The following PCNP variants were observed in gnomAD, a reference collection of about 807,000 sequenced individuals.
The protein encoded by PCNP is PEST proteolytic signal-containing nuclear protein.
A neutral mutation model predicts 21.8 loss-of-function variants in PCNP; 6 were observed. That is an observed-to-expected ratio of 0.28 (90% CI 0.15 to 0.54). The LOEUF (loss-of-function observed/expected upper bound fraction) is 0.54. PCNP is among the 20% of genes least tolerant of loss of function. The probability of loss-of-function intolerance (pLI) is 0.95; values close to 1 mark genes in which losing one functional copy is unlikely to be tolerated. For missense variants in PCNP, 161 were observed against 215.5 expected (o/e 0.75, Z 1.58); for synonymous variants, 67 against 73.2 (o/e 0.92, Z 0.43).
In PCNP at chr3:101,574,187, T is replaced by A; in HGVS notation, c.-29T>A. ...GGGCGGGGTCGTGACGTCCTTGGCG[T>A]GGCTGCAGGGGAGGCCGCGGCGGGG... is the stretch of plus-strand genomic sequence containing the variant. On this transcript the variant is annotated 5_prime_UTR_variant, in exon 1 of 5. Coordinates refer to ENST00000265260, the MANE Select transcript of PCNP (RefSeq NM_020357.3). 1 of 1,547,336 alleles carries A rather than the reference T, an allele frequency of 6.5e-7. No homozygotes were observed. Among genetic ancestry groups the A allele is most frequent in the Non-Finnish European group, 8.7e-7 (1 of 1,144,674 alleles).
At chr3:101,576,285 A>T (rs1934879131) in intron 1 of PCNP, among the ~76,000 whole-genome samples, 1 of 148,762 alleles carries the variant, frequency 6.7e-6, no homozygotes, top group Admixed American at 6.8e-5. Context: ...GCCAGGCTGG[A>T]ATGCAGTGGC....
At chr3:101,587,214 C>T (rs1460110615) in intron 3 of PCNP, among the ~76,000 whole-genome samples, 1 of 151,234 alleles carries the variant, frequency 6.6e-6, no homozygotes, top group Non-Finnish European at 1.5e-5. Flanking sequence ...CGTGCCATTG[C>T]ACTCCAGCCT....
chr3:101,581,240 G>A (rs1935204964), intron 2 of PCNP, among the ~76,000 whole-genome samples: 1 of 151,920 alleles, frequency 6.6e-6, no homozygotes, highest in Admixed American at 6.6e-5. Context: ...TGTTTAATAT[G>A]TAGTTATAAA....
chr3:101,588,787 C>T (rs569644438), intron 3 of PCNP, among the ~76,000 whole-genome samples: 2 of 152,322 alleles, frequency 1.3e-5, no homozygotes, highest in South Asian at 4.1e-4. Context: ...ACGTTTCTTA[C>T]TTTTGGCACA....
rs369274549 is a variant in PCNP at position 101,579,921 on chromosome 3, A to G, written c.196A>G (p.Thr66Ala). 30 of 1,613,990 alleles carry G rather than the reference A, an allele frequency of 1.9e-5. No individual in the cohort carries two copies. The East Asian group carries it at 5.8e-4, about 31-fold the overall frequency. ...EEAADLPTKP[T>A]KISKFGFAIG... ...AGCTGCCGACCTCCCAACAAAGCCT[A>G]CAAAGATCTCCAAGTTTGGATTTGC... Residue 66 changes from threonine to alanine, a missense_variant, in exon 2 of 5, where the codon ACA becomes GCA. By Grantham distance (58) the Thr-to-Ala change is moderately conservative. This residue lies in a region of PCNP where 46 missense variants were observed against 39.3 expected (regional missense o/e 1.17). Coordinates refer to ENST00000265260, the MANE Select transcript of PCNP (RefSeq NM_020357.3).
Position 101,574,248 on chromosome 3 carries a change from T to C in PCNP, c.33T>C (p.Pro11=). The C allele has an allele frequency of 1.4e-5, 22 of 1,548,720 alleles. No individual in the cohort carries two copies. The highest frequency in any genetic ancestry group is 1.9e-5 in the Non-Finnish European group (22 of 1,145,554). Residue 11 remains proline (P), a synonymous_variant, in exon 1 of 5, where the codon CCT becomes CCC. Transcript: ENST00000265260. ...ACGGGAAGGCGGGAGACGAGAAGCCTGAAAAGTCGCAGCGAGCTGGAGCCG... is the reference window on the plus strand; with the variant it reads ...ACGGGAAGGCGGGAGACGAGAAGCCCGAAAAGTCGCAGCGAGCTGGAGCCG... MADGKAGDEK[P]EKSQRAGAAG... is the part of the protein sequence containing the mutation.
rs1935948890 is a variant in PCNP at position 101,594,202 on chromosome 3, T to C, written c.*1449T>C. On this transcript the variant is annotated 3_prime_UTR_variant, in exon 5 of 5. Transcript: ENST00000265260. Reference sequence around the variant, plus strand: ...AAGCCCAAGTAAGACAATGGAAATGTATATAGAACTCTTAGTTCTTACATG... The same window carrying C: ...AAGCCCAAGTAAGACAATGGAAATGCATATAGAACTCTTAGTTCTTACATG... 1 of 152,626 alleles carries C rather than the reference T, an allele frequency of 6.6e-6. No individual in the cohort carries two copies. Among genetic ancestry groups the C allele is most frequent in the Admixed American group, 6.5e-5 (1 of 15,274 alleles). The allele number at this position is 152,626 out of a possible 1,614,324, so 9.5% of individuals were successfully genotyped here. A position where few individuals can be genotyped will look rare whatever the true frequency, so the allele number is the denominator to read the frequency against.
intron 3 of PCNP, among the ~76,000 whole-genome samples, chr3:101,588,970 G>A (rs191714047): frequency 6.6e-6 from 1 of 152,176 alleles, no homozygotes; most frequent in African/African-American, 2.4e-5. Context: ...AATTTATTTT[G>A]TGGGGATAGG....
chr3:101,587,160 G>C (rs566230336), intron 3 of PCNP, among the ~76,000 whole-genome samples: 13 of 151,606 alleles, frequency 8.6e-5, no homozygotes, highest in Non-Finnish European at 1.8e-4. Flanking sequence ...TGAGGGAGGA[G>C]AATTGCTTGA....
At chr3:101,590,003 T>C in intron 3 of PCNP, 1 of 493,508 alleles carries the variant, frequency 2.0e-6, no homozygotes, top group East Asian at 3.7e-5. Context: ...TTTTCAGCAG[T>C]TTTTTTTCTT....
intron 2 of PCNP, among the ~76,000 whole-genome samples, chr3:101,581,364 C>T (rs1236193300): frequency 6.6e-6 from 1 of 151,942 alleles, no homozygotes; most frequent in East Asian, 1.9e-4. Flanking sequence ...ATAGATTTTA[C>T]TGTGCATGAA....
intron 1 of PCNP, chr3:101,577,074 C>G (rs974761487): frequency 1.5e-6 from 1 of 678,610 alleles, no homozygotes; most frequent in African/African-American, 1.8e-5. Flanking sequence ...ATCCGCCCGC[C>G]TCGGCCTCCC....
chr3:101,576,482 T>A, intron 1 of PCNP: 4 of 1,566,104 alleles, frequency 2.6e-6, no homozygotes, highest in Non-Finnish European at 3.5e-6. Flanking sequence ...AGACAAGGCC[T>A]ACAGACTTAT....
intron 1 of PCNP, chr3:101,577,080 C>T (rs1464180180): frequency 1.3e-5 from 9 of 673,590 alleles, no homozygotes; most frequent in Non-Finnish European, 2.2e-5. Flanking sequence ...CCGCCTCGGC[C>T]TCCCGAAGTG....
intron 1 of PCNP, among the ~76,000 whole-genome samples, chr3:101,575,236 C>T (rs564963308): frequency 4.6e-5 from 7 of 152,222 alleles, no homozygotes; most frequent in African/African-American, 1.7e-4. Context: ...ATTCTGACCA[C>T]CTTAGTTATC....
chr3:101,581,723 C>T (rs1256285914), intron 2 of PCNP, among the ~76,000 whole-genome samples: 6 of 151,808 alleles, frequency 4.0e-5, no homozygotes, highest in Admixed American at 1.3e-4. Flanking sequence ...CATGAGCCAC[C>T]GAGCTCGGCC....
At position 101,576,991 on chromosome 3, in the gene PCNP, C is replaced by G. The variant is rs535182805; in HGVS notation, c.64+2712C>G. 33 of 898,546 alleles carry G rather than the reference C, an allele frequency of 3.7e-5. 2 individuals are homozygous for G. Among genetic ancestry groups the G allele is most frequent in the African/African-American group, 8.2e-5 (5 of 61,340 alleles). The allele number at this position is 898,546 out of a possible 1,614,324, so 55.7% of individuals were successfully genotyped here. A position where few individuals can be genotyped will look rare whatever the true frequency, so the allele number is the denominator to read the frequency against. ...GGCGTGTAGGCCTCCTGTGGAGGAG[C>G]AATTTTTGTATTTTTAGTAGAGACG... On this transcript the variant is annotated intron_variant, in intron 1 of 4. Transcript: ENST00000265260.
At chr3:101,578,763 TCC>T (rs1432054987) in intron 1 of PCNP, among the ~76,000 whole-genome samples, 2 of 152,204 alleles carry the variant, frequency 1.3e-5, no homozygotes, top group Non-Finnish European at 1.5e-5. Flanking sequence ...TAGCTCTGTG[TCC>T]TGCTTTCTTA....
In PCNP at chr3:101,574,211, G is replaced by C; in HGVS notation, c.-5G>C. The C allele has an allele frequency of 6.5e-7, 1 of 1,549,620 alleles. No individual in the cohort carries two copies. Among genetic ancestry groups the C allele is most frequent in the Non-Finnish European group, 8.7e-7 (1 of 1,145,912 alleles). ...GTGGCTGCAGGGGAGGCCGCGGCGG[G>C]GAAAATGGCGGACGGGAAGGCGGGA... On this transcript the variant is annotated 5_prime_UTR_variant, in exon 1 of 5. Transcript: ENST00000265260.
Sources: allele counts gnomAD v4.1 joint callset (sites outside exome capture counted in the v4.1 genomes callset), GRCh38; gene constraint gnomAD v4.1.1; regional missense constraint gnomAD v4.1.1; transcripts MANE v1.5; gene names NCBI Gene and HGNC (gene_info 2026-07-23, HGNC 2026-07-21).